The following PCYT1B variants were observed in gnomAD, a reference collection of about 807,000 sequenced individuals.
The protein encoded by PCYT1B is phosphate cytidylyltransferase 1B, choline.
In PCYT1B, 10 loss-of-function variants were observed where a neutral mutation model predicts 26.4. The observed-to-expected ratio is 0.38, with a 90% CI of 0.23 to 0.64. The LOEUF (loss-of-function observed/expected upper bound fraction) is 0.64, where lower values mean the gene tolerates loss of function less well. Among genes scored for constraint, PCYT1B ranks in the 30% least tolerant of loss-of-function variants. PCYT1B has a pLI of 0.56. For synonymous variants in PCYT1B, 131 were observed against 108.4 expected, an observed-to-expected ratio of 1.21 and a Z score of -1.29; for missense variants, 161 against 292.7, an observed-to-expected ratio of 0.55 and a Z score of 3.28.
At position 24,559,433 on chromosome X, in the gene PCYT1B, GAA is replaced by G. The variant is rs759861990; in HGVS notation, c.*2858_*2859del. On this transcript the variant is annotated 3_prime_UTR_variant, in exon 8 of 8. Transcript: ENST00000379144. ...AGGAAAGAAAAAGAGAAAGAAGAAA[GAA>G]AAAGAAAGAGAGAGAGAGAGAAAGA... is the stretch of plus-strand genomic sequence containing the variant. The G allele has an allele frequency of 7.2e-5, 3 of 41,388 alleles. No individual in the cohort carries two copies. The highest frequency in any genetic ancestry group is 1.7e-4 in the Non-Finnish European group (3 of 17,864). The allele number at this position is 41,388 out of a possible 1,213,427, so 3.4% of individuals were successfully genotyped here.
intron 3 of PCYT1B, among the ~76,000 whole-genome samples, chrX:24,604,156 G>A (rs189859402): frequency 8.3e-5 from 9 of 108,861 alleles, no homozygotes; most frequent in Admixed American, 2.0e-4. Flanking sequence ...GCATGATCTC[G>A]GCTCACTGCA....
intron 3 of PCYT1B, among the ~76,000 whole-genome samples, chrX:24,601,954 T>G (rs1483441071): frequency 8.9e-6 from 1 of 112,417 alleles, no homozygotes; most frequent in Non-Finnish European, 1.9e-5. Context: ...CTTACAAAAC[T>G]AGACATATTC....
chrX:24,637,622 C>T (rs936955953), intron 1 of PCYT1B, among the ~76,000 whole-genome samples: 3 of 103,173 alleles, frequency 2.9e-5, no homozygotes, highest in Non-Finnish European at 5.8e-5. Flanking sequence ...TGAGATCATG[C>T]CACTGCACCC....
intron 1 of PCYT1B, among the ~76,000 whole-genome samples, chrX:24,662,363 ATC>A (rs1927045617): frequency 9.0e-6 from 1 of 111,682 alleles, no homozygotes; most frequent in Non-Finnish European, 1.9e-5. Context: ...TTGTTGTCAC[ATC>A]TTGGGGCTGG....
chrX:24,592,746 C>G (rs781091444), intron 3 of PCYT1B, among the ~76,000 whole-genome samples: 1 of 111,741 alleles, frequency 8.9e-6, no homozygotes, highest in Non-Finnish European at 1.9e-5. Flanking sequence ...CCTTGCCTCC[C>G]TGACCAGTCT....
intron 2 of PCYT1B, among the ~76,000 whole-genome samples, chrX:24,618,687 G>A (rs1159116197): frequency 9.3e-6 from 1 of 107,864 alleles, no homozygotes; most frequent in Non-Finnish European, 1.9e-5. Context: ...GCGCAATCTC[G>A]GCTCACTGCA....
rs1318191184 is a variant in PCYT1B, at chrX:24,631,805, A to C, written c.118-12721T>G. ...ACATGGTGAAACCCTGTCTCTACTA[A>C]AATACAAAAATTAGCTGGGCACGGT... On this transcript the variant is annotated intron_variant, in intron 1 of 7. Coordinates refer to ENST00000379144, the MANE Select transcript of PCYT1B (RefSeq NM_004845.5). Among the ~76,000 whole-genome samples the C allele has an allele frequency of 2.7e-5, 3 of 111,753 alleles. No homozygotes were observed. The East Asian group carries it at 8.4e-4, about 31-fold the overall frequency.
intron 1 of PCYT1B, among the ~76,000 whole-genome samples, chrX:24,646,682 A>T (rs1188039310): frequency 9.1e-6 from 1 of 110,486 alleles, no homozygotes; most frequent in African/African-American, 3.3e-5. Context: ...GCACTGTAGG[A>T]TTTTTTTACC....
intron 2 of PCYT1B, among the ~76,000 whole-genome samples, chrX:24,615,826 CAGA>C (rs963028663): frequency 4.5e-5 from 5 of 111,983 alleles, no homozygotes; most frequent in African/African-American, 1.6e-4. Context: ...CCTGCCACTA[CAGA>C]AGATCACAGC....
intron 2 of PCYT1B, among the ~76,000 whole-genome samples, chrX:24,608,178 G>A (rs184102041): frequency 2.7e-5 from 3 of 111,372 alleles, no homozygotes; most frequent in East Asian, 2.8e-4. Context: ...GCTGGAACAC[G>A]TAGGCAGGAG....
upstream of PCYT1B, chrX:24,672,701 G>C: frequency 2.2e-6 from 2 of 910,718 alleles, no homozygotes; most frequent in Non-Finnish European, 3.1e-6. Context: ...GTCACAGGAT[G>C]AAATTTTTGT....
intron 5 of PCYT1B, among the ~76,000 whole-genome samples, chrX:24,585,224 G>A (rs1924331545): frequency 9.0e-6 from 1 of 111,311 alleles, no homozygotes; most frequent in Admixed American, 9.6e-5. Flanking sequence ...GGGCAGGAAA[G>A]AGACCCCTTT....
chrX:24,575,938 T>A (rs1158946708), intron 6 of PCYT1B, among the ~76,000 whole-genome samples: 1 of 112,493 alleles, frequency 8.9e-6, no homozygotes, highest in Non-Finnish European at 1.9e-5. Context: ...CTTATAGTCT[T>A]TCTGCAGCAA....
At chrX:24,587,770 G>A (rs750683634) in intron 4 of PCYT1B, among the ~76,000 whole-genome samples, 4 of 112,392 alleles carry the variant, frequency 3.6e-5, no homozygotes, top group South Asian at 7.5e-4. Flanking sequence ...TTCCTCATTC[G>A]ATCCTCATAA....
exon 1 of PCYT1B, chrX:24,672,615 C>T: frequency 8.3e-7 from 1 of 1,204,590 alleles, no homozygotes; most frequent in Non-Finnish European, 1.1e-6. Context: ...CCATGATGCA[C>T]TCCTGATGGC....
At chrX:24,588,618 G>T (rs1202213100) in intron 4 of PCYT1B, among the ~76,000 whole-genome samples, 1 of 111,648 alleles carries the variant, frequency 9.0e-6, no homozygotes, top group Non-Finnish European at 1.9e-5. Flanking sequence ...TAAGTTAGGG[G>T]AAAGATTCAA....
intron 2 of PCYT1B, among the ~76,000 whole-genome samples, chrX:24,615,202 T>C (rs1328174863): frequency 1.8e-5 from 2 of 112,144 alleles, no homozygotes; most frequent in Middle Eastern, 4.6e-3. Context: ...TTTTCTTAGA[T>C]AATTTCCCAG....
chrX:24,564,274 A>T (rs1011958635), intron 7 of PCYT1B, among the ~76,000 whole-genome samples: 1 of 109,975 alleles, frequency 9.1e-6, no homozygotes, highest in African/African-American at 3.3e-5. Context: ...TTCCTAGTAT[A>T]TTTTCCCCCA....
At chrX:24,607,112 C>A (rs1925163255) in intron 3 of PCYT1B, among the ~76,000 whole-genome samples, 1 of 111,979 alleles carries the variant, frequency 8.9e-6, no homozygotes, top group Non-Finnish European at 1.9e-5. Context: ...AAGAAATAGG[C>A]CTCCTGGAGG....
Sources: gnomAD v4.1 joint callset for allele counts (sites outside exome capture counted in the v4.1 genomes callset) on GRCh38, gnomAD v4.1.1 for gene constraint, MANE v1.5 for transcripts, NCBI Gene and HGNC (gene_info 2026-07-23, HGNC 2026-07-21) for gene names.